Variants in HOMER3 observed in about 807,000 individuals in gnomAD.
HOMER3 encodes homer scaffold protein 3, also known as homer protein homolog 3.
Under a neutral mutation model 45.5 loss-of-function variants are expected in HOMER3, and 34 were observed. The observed-to-expected ratio is 0.75, with a 90% confidence interval of 0.57 to 1.00. The LOEUF (loss-of-function observed/expected upper bound fraction) is 1.00, where lower values mean the gene tolerates loss of function less well. Ranked by LOEUF, HOMER3 falls within the 50% of genes least tolerant of loss-of-function variation. The pLI is 0.00. For synonymous variants in HOMER3, 223 were observed against 208.8 expected (o/e 1.07, Z -0.58); for missense variants, 480 against 497.5 (o/e 0.96, Z 0.33).
At chr19:18,932,548 C>A (rs2057047818) in intron 6 of HOMER3, among the ~76,000 whole-genome samples, 1 of 151,784 alleles carries the variant, frequency 6.6e-6, no homozygotes, top group South Asian at 2.1e-4. Context: ...TGTCGAGGAC[C>A]GAGTCAAAGA....
Position 18,929,461 on chromosome 19 carries a change from C to T in HOMER3, c.1068G>A (p.Leu356=). ...CCCCGGCTCAGGGCGCAGCCTCAGC[C>T]AGGCGGGCCAGGCCCTCACGCAGCT... ...LSELREGLAR[L]AEAAP Residue 356 remains leucine (L), a synonymous_variant, in exon 10 of 10, where the codon CTG becomes CTA. Transcript: ENST00000392351. The T allele has an allele frequency of 6.3e-7, 1 of 1,595,434 alleles. No individual in the cohort carries two copies. Among genetic ancestry groups the T allele is most frequent in the Non-Finnish European group, 8.5e-7 (1 of 1,174,486 alleles).
chr19:18,939,145 A>G (rs573880238), intron 1 of HOMER3, 96 bp from the exon 2 acceptor site: 81 of 663,752 alleles, frequency 1.2e-4, no homozygotes, highest in Non-Finnish European at 1.8e-4. Context: ...TGTGCCCGTC[A>G]TGGAACTTTC....
rs1397609923 is a variant in HOMER3 at position 18,929,446 on chromosome 19, G to A, written c.1083C>T (p.Pro361=). Residue 361 remains proline, a synonymous_variant, in exon 10 of 10, where the codon CCC becomes CCT. Coordinates refer to ENST00000392351, the MANE Select transcript of HOMER3 (RefSeq NM_004838.4). ...EGLARLAEAA[P] ...TTCATAGAAAACCAGCCCCGGCTCAGGGCGCAGCCTCAGCCAGGCGGGCCA... is the reference window on the plus strand; with the variant it reads ...TTCATAGAAAACCAGCCCCGGCTCAAGGCGCAGCCTCAGCCAGGCGGGCCA... 1.9e-6 allele frequency: 3 copies of A among 1,591,912 alleles called. No individual in the cohort carries two copies.
intron 6 of HOMER3, 46 bp downstream of exon 6, chr19:18,932,878 C>CCCCCCCG: frequency 1.3e-6 from 1 of 772,992 alleles, no homozygotes; most frequent in Non-Finnish European, 1.9e-6. Context: ...CCTCGTCCCC[C>CCCCCCCG]ACCCCTACCC....
chr19:18,931,189 C>T (rs566568393), intron 9 of HOMER3, 136 bp downstream of exon 9: 130 of 716,264 alleles, frequency 1.8e-4, no homozygotes, highest in Middle Eastern at 3.8e-4. Flanking sequence ...ACTGTTCACG[C>T]GGCACCTGCT....
Position 18,938,891 on chromosome 19 carries a change from G to A in HOMER3, c.15-7C>T. 5 of 1,605,016 alleles carry A rather than the reference G, an allele frequency of 3.1e-6. No homozygotes were observed. In the South Asian group the frequency reaches 4.5e-5, roughly 14 times the overall value. On this transcript the variant is annotated splice_polypyrimidine_tract_variant and splice_region_variant and intron_variant, in intron 2 of 9. Transcript: ENST00000392351. The stretch of plus-strand genomic sequence containing the variant: ...GCTGAAGATTGGCTGCTCCCTGCGT[G>A]GGGAGAGGGTGTTTGGTGGGGGCCA...
intron 4 of HOMER3, among the ~76,000 whole-genome samples, chr19:18,936,458 G>A (rs1030712728): frequency 2.6e-5 from 4 of 151,576 alleles, no homozygotes; most frequent in African/African-American, 9.7e-5. Flanking sequence ...CCAACATAGT[G>A]AAACCCTGTC....
rs188648265 is a variant in HOMER3 at position 18,929,307 on chromosome 19, G to A, written c.*136C>T. ...CCAGAGCCGACTGGGGCCCACCCCA[G>A]CCCAGCCCGGCCCGGCCCACCCAGG... On this transcript the variant is annotated 3_prime_UTR_variant, in exon 10 of 10. Transcript: ENST00000392351. 4 of 988,280 alleles carry A rather than the reference G, an allele frequency of 4.0e-6. No homozygotes were observed. The African/African-American group carries it at 4.7e-5, about 12-fold the overall frequency. 61.2% of individuals were successfully genotyped at this position (988,280 alleles called of 1,614,324 possible).
chr19:18,929,413 C>T lies in HOMER3; in HGVS notation c.*30G>A, dbSNP rs563993417. On this transcript the variant is annotated 3_prime_UTR_variant, in exon 10 of 10. Transcript: ENST00000392351. ...CTGCAGCCTGGCCCGCATCCCAGGC[C>T]GGAATCGTTCATAGAAAACCAGCCC... 2.0e-5 allele frequency: 32 copies of T among 1,584,458 alleles called. No homozygotes were observed. Among genetic ancestry groups the T allele is most frequent in the East Asian group, 6.7e-5 (3 of 44,458 alleles).
rs761430260 is a variant in HOMER3, at chr19:18,929,302, C to G, written c.*141G>C. ...AACAACCAGAGCCGACTGGGGCCCA[C>G]CCCAGCCCAGCCCGGCCCGGCCCAC... On this transcript the variant is annotated 3_prime_UTR_variant, in exon 10 of 10. Transcript: ENST00000392351. The G allele has an allele frequency of 2.6e-5, 25 of 952,018 alleles. No homozygotes were observed. The Admixed American group carries it at 2.7e-4, about 10-fold the overall frequency. The allele number at this position is 952,018 out of a possible 1,614,324, so 59.0% of individuals were successfully genotyped here.
At chr19:18,936,933 A>G (rs546088288) in intron 4 of HOMER3, among the ~76,000 whole-genome samples, 1 of 151,862 alleles carries the variant, frequency 6.6e-6, no homozygotes, top group African/African-American at 2.4e-5. Flanking sequence ...CCTGGGAGGC[A>G]GAGCTTGCAG....
Position 18,938,424 on chromosome 19 carries a change from C to G in HOMER3, c.232G>C (p.Gly78Arg). Reference protein sequence around the residue: ...MTFTKTSQKFGQWADSRANTV... With the variant: ...MTFTKTSQKFRQWADSRANTV... ...TTGGCGCGACTGTCGGCCCACTGCCCGAACTTCTGGGAAGTTTTGGTGAAG... is the reference window on the plus strand; with the variant it reads ...TTGGCGCGACTGTCGGCCCACTGCCGGAACTTCTGGGAAGTTTTGGTGAAG... Residue 78 changes from glycine (G) to arginine (R), a missense_variant, in exon 4 of 10, where the codon GGG (glycine) becomes CGG (arginine). Coordinates refer to ENST00000392351, the MANE Select transcript of HOMER3 (RefSeq NM_004838.4). 6.2e-7 allele frequency: 1 copy of G among 1,614,084 alleles called. No individual in the cohort carries two copies. The highest frequency in any genetic ancestry group is 8.5e-7 in the Non-Finnish European group (1 of 1,179,982).
At position 18,933,006 on chromosome 19, in the gene HOMER3, C is replaced by T. The variant is rs2145123701; in HGVS notation, c.451G>A (p.Glu151Lys). ...SPLVSANGPG[E>K]EKLFRSQSAD... ...CTCTGGCTGCGGAACAGTTTTTCCT[C>T]GCCGGGGCCGTTGGCACTGACGAGA... is the stretch of plus-strand genomic sequence containing the variant. Residue 151 changes from glutamate to lysine, a missense_variant, in exon 6 of 10, where the codon GAG becomes AAG. By Grantham distance (56) the Glu-to-Lys change is moderately conservative (BLOSUM62 1). Coordinates refer to ENST00000392351, the MANE Select transcript of HOMER3 (RefSeq NM_004838.4). The T allele has an allele frequency of 1.3e-6, 2 of 1,482,938 alleles. No individual in the cohort carries two copies. The highest frequency in any genetic ancestry group is 2.7e-5 in the East Asian group (1 of 36,768). 91.9% of individuals were successfully genotyped at this position (1,482,938 alleles called of 1,614,324 possible). A position where few individuals can be genotyped will look rare whatever the true frequency, so the allele number is the denominator to read the frequency against.
chr19:18,934,283 G>C lies in HOMER3; in HGVS notation c.411+20C>G. The C allele has an allele frequency of 7.2e-7, 1 of 1,398,196 alleles. No homozygotes were observed. The highest frequency in any genetic ancestry group is 9.5e-7 in the Non-Finnish European group (1 of 1,051,442). 86.6% of individuals were successfully genotyped at this position (1,398,196 alleles called of 1,614,324 possible). ...ACTCACAGGTGCCCAGGCAGGCATA[G>C]GGGAGTAGGGAGTGCTGACCTGGTG... is the stretch of plus-strand genomic sequence containing the variant. On this transcript the variant is annotated intron_variant, in intron 5 of 9. Transcript: ENST00000392351.
intron 6 of HOMER3, 35 bp downstream of exon 6, chr19:18,932,889 C>A (rs201511987): frequency 5.0e-6 from 5 of 1,008,886 alleles, no homozygotes; most frequent in Middle Eastern, 3.5e-4. Flanking sequence ...ACCCCTACCC[C>A]CGCCCCTGCC....
At chr19:18,939,730 C>CG (rs1279223527) in intron 1 of HOMER3, 9 of 152,274 alleles carry the variant, frequency 5.9e-5, no homozygotes, top group Non-Finnish European at 4.4e-5. Flanking sequence ...CTGGCCAGAG[C>CG]GGGGCTCTCC....
rs1311080654 is a variant in HOMER3, at chr19:18,931,975, C to CCCGCTG, written c.685_690dup (p.Gln229_Arg230dup). 1 of 1,525,596 alleles carries CCCGCTG rather than the reference C, an allele frequency of 6.6e-7. No individual in the cohort carries two copies. Among genetic ancestry groups the CCCGCTG allele is most frequent in the Admixed American group, 2.1e-5 (1 of 48,764 alleles). 94.5% of individuals were successfully genotyped at this position (1,525,596 alleles called of 1,614,324 possible). A position where few individuals can be genotyped will look rare whatever the true frequency, so the allele number is the denominator to read the frequency against. On this transcript the variant is annotated inframe_insertion and splice_region_variant. Coordinates refer to ENST00000392351, the MANE Select transcript of HOMER3 (RefSeq NM_004838.4). ...TCTCTCGGAGGGAGGGGTGCCCTCA[C>CCCGCTG]CCGCTGCCGCAGCCGCTCGGCCTCT...
Position 18,931,580 on chromosome 19 carries a change from C to T in HOMER3, c.736G>A (p.Gly246Ser), listed in dbSNP as rs757555627. 8.1e-6 allele frequency: 13 copies of T among 1,613,018 alleles called. No homozygotes were observed. The highest frequency in any genetic ancestry group is 1.7e-5 in the Admixed American group (1 of 60,000). ...CCCTGGCCCAGCCCCTCCTTCTCACCGGTGGGGGTCACCTCTGAAGCTGCC... is the reference window on the plus strand; with the variant it reads ...CCCTGGCCCAGCCCCTCCTTCTCACTGGTGGGGGTCACCTCTGAAGCTGCC... ...AQAASEVTPT[G>S]EKEGLGQGQS... is the part of the protein sequence containing the mutation. Residue 246 changes from glycine (G) to serine (S), a missense_variant, in exon 8 of 10, where the codon GGT becomes AGT. Gly to Ser is a moderately conservative substitution (Grantham distance 56). Transcript: ENST00000392351.
chr19:18,929,359 T>C lies in HOMER3; in HGVS notation c.*84A>G, dbSNP rs1456827791. The stretch of plus-strand genomic sequence containing the variant: ...CTAAGTTGGGACCCCCCAGTCCCTT[T>C]CCAGGACGAATGGGCCCAACTATGC... On this transcript the variant is annotated 3_prime_UTR_variant, in exon 10 of 10. Transcript: ENST00000392351. The C allele has an allele frequency of 6.7e-7, 1 of 1,499,944 alleles. No homozygotes were observed. Among genetic ancestry groups the C allele is most frequent in the East Asian group, 2.3e-5 (1 of 44,310 alleles). The allele number at this position is 1,499,944 out of a possible 1,614,324, so 92.9% of individuals were successfully genotyped here. A position where few individuals can be genotyped will look rare whatever the true frequency, so the allele number is the denominator to read the frequency against.
Sources: allele counts gnomAD v4.1 joint callset (sites outside exome capture counted in the v4.1 genomes callset), GRCh38; gene constraint gnomAD v4.1.1; transcripts MANE v1.5; gene names NCBI Gene and HGNC (gene_info 2026-07-23, HGNC 2026-07-21).